The following LARGE1 variants were observed in gnomAD, a reference collection of about 807,000 sequenced individuals.
LARGE1 encodes xylosyl- and glucuronyltransferase LARGE1.
Under a neutral mutation model 87.6 loss-of-function variants are expected in LARGE1, and 43 were observed. The ratio of observed to expected loss-of-function variants is 0.49; its 90% CI spans 0.38 to 0.63. The LOEUF is 0.63. Among genes scored for constraint, LARGE1 ranks in the 30% least tolerant of loss-of-function variants. LARGE1 has a pLI of 0.00. For synonymous variants in LARGE1, 434 were observed against 394.6 expected (o/e 1.10, Z -1.18); for missense variants, 802 against 1,000.2 (o/e 0.80, Z 2.67).
chr22:33,816,370 A>G (rs1279528349), intron 1 of LARGE1, among the ~76,000 whole-genome samples: 1 of 152,200 alleles, frequency 6.6e-6, no homozygotes, highest in Admixed American at 6.5e-5. Context: ...GGGAAGTCCA[A>G]GGTCAAGACA....
chr22:33,572,185 A>G (rs1384560322), intron 5 of LARGE1: 1 of 1,288,242 alleles, frequency 7.8e-7, no homozygotes. Context: ...TCACCTTGAC[A>G]TATTTTAAAA....
intron 6 of LARGE1, among the ~76,000 whole-genome samples, chr22:33,511,465 T>C (rs1284056821): frequency 6.6e-6 from 1 of 152,222 alleles, no homozygotes; most frequent in Non-Finnish European, 1.5e-5. Context: ...CGTCTAGCTC[T>C]GTAATCATAG....
chr22:33,618,768 C>A (rs1403744028), intron 4 of LARGE1, among the ~76,000 whole-genome samples: 1 of 152,216 alleles, frequency 6.6e-6, no homozygotes, highest in Non-Finnish European at 1.5e-5. Context: ...AACCTTCAAG[C>A]CAGAAACAGT....
At chr22:33,244,835 G>A (rs929550775) in intron 11 of LARGE1, among the ~76,000 whole-genome samples, 2 of 152,104 alleles carry the variant, frequency 1.3e-5, no homozygotes, top group African/African-American at 4.8e-5. Context: ...TACGTAAGGA[G>A]GGGGAGGGGA....
At chr22:33,525,145 A>T (rs1373667228) in intron 6 of LARGE1, among the ~76,000 whole-genome samples, 2 of 152,204 alleles carry the variant, frequency 1.3e-5, no homozygotes, top group African/African-American at 2.4e-5. Flanking sequence ...CGGAGGAAGG[A>T]GGAAGAGAAT....
chr22:33,713,203 A>G (rs914337450), intron 2 of LARGE1, among the ~76,000 whole-genome samples: 2 of 152,216 alleles, frequency 1.3e-5, no homozygotes, highest in African/African-American at 4.8e-5. Flanking sequence ...ATTATGCATA[A>G]TAGTCCCAGA....
chr22:33,578,119 C>T (rs894344667), intron 5 of LARGE1, among the ~76,000 whole-genome samples: 2 of 152,190 alleles, frequency 1.3e-5, no homozygotes, highest in Non-Finnish European at 2.9e-5. Flanking sequence ...CTCCCCCCGC[C>T]AACAACAGGC....
At chr22:33,601,200 G>C (rs2079104465) in intron 5 of LARGE1, among the ~76,000 whole-genome samples, 1 of 152,230 alleles carries the variant, frequency 6.6e-6, no homozygotes, top group South Asian at 2.1e-4. Flanking sequence ...GCTACTGAGA[G>C]AAAAGATATG....
chr22:33,446,248 C>T (rs1284443846), intron 6 of LARGE1, among the ~76,000 whole-genome samples: 1 of 152,160 alleles, frequency 6.6e-6, no homozygotes, highest in Non-Finnish European at 1.5e-5. Flanking sequence ...CCACGCCCTG[C>T]CCCCATAGCT....
chr22:33,196,128 TA>T (rs1555881696), intron 11 of LARGE1, among the ~76,000 whole-genome samples: 3,122 of 102,918 alleles, frequency 0.03, 70 homozygotes, highest in African/African-American at 0.083. Flanking sequence ...CAAAGTAAAT[TA>T]AAAAAAAAAA....
chr22:33,792,536 G>A (rs1313004663), intron 1 of LARGE1, among the ~76,000 whole-genome samples: 1 of 152,138 alleles, frequency 6.6e-6, no homozygotes, highest in African/African-American at 2.4e-5. Context: ...TAACACAGGA[G>A]GGCAAGGTCT....
intron 2 of LARGE1, among the ~76,000 whole-genome samples, chr22:33,672,439 C>T (rs933786018): frequency 2.6e-5 from 4 of 152,186 alleles, no homozygotes; most frequent in Admixed American, 2.6e-4. Flanking sequence ...CATCTGATTG[C>T]CAAGTCTGTG....
intron 4 of LARGE1, among the ~76,000 whole-genome samples, chr22:33,607,807 T>C (rs1484015074): frequency 3.3e-5 from 5 of 152,250 alleles, no homozygotes; most frequent in Non-Finnish European, 7.4e-5. Flanking sequence ...ATAAACTGAA[T>C]AAACGAATCA....
At chr22:33,578,052 C>G (rs1292461752) in intron 5 of LARGE1, among the ~76,000 whole-genome samples, 1 of 152,120 alleles carries the variant, frequency 6.6e-6, no homozygotes, top group Non-Finnish European at 1.5e-5. Flanking sequence ...ATACTTTTAA[C>G]CTTGACCTTC....
chr22:33,634,470 G>A (rs776836325), intron 3 of LARGE1, among the ~76,000 whole-genome samples: 9 of 152,122 alleles, frequency 5.9e-5, no homozygotes, highest in Non-Finnish European at 1.0e-4. Context: ...GAGAGAGTAC[G>A]AGGGCGTGCA....
chr22:33,312,961 G>C (rs956514668), intron 11 of LARGE1, among the ~76,000 whole-genome samples: 37 of 152,162 alleles, frequency 2.4e-4, no homozygotes, highest in African/African-American at 6.3e-4. Context: ...ATCTGGGTGA[G>C]AGGCCAAAGG....
chr22:33,518,033 C>T (rs2071396114), intron 6 of LARGE1, among the ~76,000 whole-genome samples: 1 of 152,176 alleles, frequency 6.6e-6, no homozygotes. Flanking sequence ...ATCTGAGGCA[C>T]CCTCTCTTCT....
chr22:33,685,465 T>A (rs1874047021), intron 2 of LARGE1, among the ~76,000 whole-genome samples: 1 of 152,146 alleles, frequency 6.6e-6, no homozygotes, highest in Non-Finnish European at 1.5e-5. Flanking sequence ...TAAGGCAAAG[T>A]CCTACAGCAT....
rs547467533 is a variant in LARGE1 at position 33,184,087 on chromosome 22, A to G, written c.1731-17255T>C. ...TTAATTTGACTGTGGTAATCAGTACACTATATATATATATATCATATCTTT... is the reference window on the plus strand; with the variant it reads ...TTAATTTGACTGTGGTAATCAGTACGCTATATATATATATATCATATCTTT... On this transcript the variant is annotated intron_variant, in intron 11 of 11. Coordinates refer to the LARGE1 transcript ENST00000608642. Among the ~76,000 whole-genome samples the G allele has an allele frequency of 6.2e-5, 3 of 48,612 alleles. No homozygotes were observed. The East Asian group carries it at 9.6e-4, about 16-fold the overall frequency. 31.9% of individuals were successfully genotyped at this position (48,612 alleles called of 152,430 possible). A position where few individuals can be genotyped will look rare whatever the true frequency, so the allele number is the denominator to read the frequency against.
Sources: gnomAD v4.1 joint callset for allele counts (sites outside exome capture counted in the v4.1 genomes callset) on GRCh38, gnomAD v4.1.1 for gene constraint, MANE v1.5 for transcripts, NCBI Gene and HGNC (gene_info 2026-07-23, HGNC 2026-07-21) for gene names.